MARCHF7: variants seen among roughly 807,000 people sequenced by gnomAD.
MARCHF7 encodes E3 ubiquitin-protein ligase MARCHF7.
In MARCHF7, 20 loss-of-function variants were observed where a neutral mutation model predicts 76.5. The ratio of observed to expected loss-of-function variants is 0.26; its 90% CI spans 0.18 to 0.38. The LOEUF is 0.38. MARCHF7 is among the 10% of genes least tolerant of loss of function. The probability of loss-of-function intolerance (pLI) is 1.00; values close to 1 mark genes in which losing one functional copy is unlikely to be tolerated. For synonymous variants in MARCHF7, 295 were observed against 293.0 expected (o/e 1.01, Z -0.07); for missense variants, 797 against 812.9 (o/e 0.98, Z 0.24).
intron 8 of MARCHF7, among the ~76,000 whole-genome samples, chr2:159,756,959 C>T (rs527335024): frequency 1.3e-5 from 2 of 152,292 alleles, no homozygotes; most frequent in African/African-American, 4.8e-5. Flanking sequence ...GTGGCACAAT[C>T]TCAGCTTACT....
In MARCHF7 at chr2:159,748,449, T is replaced by C; in HGVS notation, c.1159T>C (p.Ser387Pro). 1 of 1,614,166 alleles carries C rather than the reference T, an allele frequency of 6.2e-7. No homozygotes were observed. The change falls in exon 7 of 12, where the codon TCT (serine) becomes CCT (proline). Residue 387 changes from serine (S) to proline (P), a missense_variant. This residue lies in a region of MARCHF7 where 643 missense variants were observed against 631.5 expected (regional missense o/e 1.02). Transcript: ENST00000409175. Reference sequence around the variant, plus strand: ...AGGTAGAAATACAGGACCATGGTTATCTTCCTCACTTAGAAATAGATGCAC... The same window carrying C: ...AGGTAGAAATACAGGACCATGGTTACCTTCCTCACTTAGAAATAGATGCAC... The part of the protein sequence containing the change: ...SEGRNTGPWL[S>P]SSLRNRCTPL...
At chr2:159,727,021 C>G (rs148091033) in intron 3 of MARCHF7, among the ~76,000 whole-genome samples, 1 of 152,220 alleles carries the variant, frequency 6.6e-6, no homozygotes, top group East Asian at 1.9e-4. Context: ...TGTATGTACA[C>G]TATTATTTTT....
At chr2:159,737,788 CAAAATT>C (rs1485634392) in intron 4 of MARCHF7, among the ~76,000 whole-genome samples, 1 of 151,606 alleles carries the variant, frequency 6.6e-6, no homozygotes, top group African/African-American at 2.4e-5. Context: ...GACCCTGTCT[CAAAATT>C]AAAAAAAAAG....
chr2:159,723,407 T>C (rs1486440352), intron 3 of MARCHF7, among the ~76,000 whole-genome samples: 1 of 152,200 alleles, frequency 6.6e-6, no homozygotes, highest in African/African-American at 2.4e-5. Context: ...ATTAGAATTT[T>C]TCAGCACATA....
At chr2:159,763,548 G>T (rs1001933964) in intron 10 of MARCHF7, among the ~76,000 whole-genome samples, 2 of 152,170 alleles carry the variant, frequency 1.3e-5, no homozygotes, top group African/African-American at 4.8e-5. Flanking sequence ...GATGCTCTTT[G>T]TGTCAGTGTA....
rs554797936 is a variant in MARCHF7, at chr2:159,715,755, C to A, written c.-26C>A. On this transcript the variant is annotated 5_prime_UTR_variant, in exon 3 of 12. Transcript: ENST00000409175. ...CTCAAATATATTTCTCTGACTCTACCGGTTAGACTAGGTAAGTTGAACACC... is the reference window on the plus strand; with the variant it reads ...CTCAAATATATTTCTCTGACTCTACAGGTTAGACTAGGTAAGTTGAACACC... 8 of 152,222 alleles carry A rather than the reference C, an allele frequency of 5.3e-5. No homozygotes were observed. The highest frequency in any genetic ancestry group is 1.9e-4 in the African/African-American group (8 of 41,540). The allele number at this position is 152,222 out of a possible 1,614,324, so 9.4% of individuals were successfully genotyped here.
At position 159,747,998 on chromosome 2, in the gene MARCHF7, C is replaced by G; in HGVS notation, c.708C>G (p.Ser236Arg). Reference protein sequence around the residue: ...FSSRESESSRSNTQPGFSYSS... With the variant: ...FSSRESESSRRNTQPGFSYSS... Reference sequence around the variant, plus strand: ...CAAGAGAATCAGAATCTTCCCGAAGCAATACGCAGCCTGGATTTTCTTACA... The same window carrying G: ...CAAGAGAATCAGAATCTTCCCGAAGGAATACGCAGCCTGGATTTTCTTACA... Residue 236 changes from serine to arginine, a missense_variant, in exon 7 of 12, where the codon AGC (serine) becomes AGG (arginine). Ser to Arg is a moderately radical substitution (Grantham distance 110, BLOSUM62 -1). Around this residue, in one of 3 missense-constraint regions of MARCHF7, gnomAD observed 643 missense variants for 631.5 expected, o/e 1.02. Coordinates refer to ENST00000409175, the MANE Select transcript of MARCHF7 (RefSeq NM_001282805.2). 6.2e-7 allele frequency: 1 copy of G among 1,614,116 alleles called. No homozygotes were observed. The highest frequency in any genetic ancestry group is 1.1e-5 in the South Asian group (1 of 91,084).
rs13024801 is a variant in MARCHF7 at position 159,748,425 on chromosome 2, G to A, written c.1135G>A (p.Gly379Ser). 112,999 of 1,614,022 alleles carry A rather than the reference G, an allele frequency of 0.07. 4,604 individuals carry two copies. The highest frequency in any genetic ancestry group is 0.11 in the South Asian group (10,360 of 91,074). The change falls in exon 7 of 12, where the codon GGT becomes AGT. Residue 379 changes from glycine (G) to serine (S), a missense_variant. Physicochemically the swap from Gly to Ser is moderately conservative, Grantham distance 56 (BLOSUM62 0). Transcript: ENST00000409175. ...AGAAAATTTTAACCAAGAATCTGAA[G>A]GTAGAAATACAGGACCATGGTTATC... ...DSENFNQESE[G>S]RNTGPWLSSS...
At chr2:159,725,209 G>T (rs1404987420) in intron 3 of MARCHF7, among the ~76,000 whole-genome samples, 1 of 152,182 alleles carries the variant, frequency 6.6e-6, no homozygotes, top group African/African-American at 2.4e-5. Flanking sequence ...GTAATGGGAT[G>T]GCTGGGTCAA....
At chr2:159,765,957 ATTTG>A (rs1707716135) in intron 11 of MARCHF7, among the ~76,000 whole-genome samples, 1 of 152,054 alleles carries the variant, frequency 6.6e-6, no homozygotes, top group African/African-American at 2.4e-5. Flanking sequence ...CATGATAGTA[ATTTG>A]TTTCAGTGTA....
chr2:159,748,270 G>A lies in MARCHF7; in HGVS notation c.980G>A (p.Arg327His), dbSNP rs142330597. The A allele has an allele frequency of 1.5e-3, 2,419 of 1,613,610 alleles. 1 individual carries two copies. The highest frequency in any genetic ancestry group is 1.9e-3 in the Non-Finnish European group (2,225 of 1,179,996). The change falls in exon 7 of 12, where the codon CGT becomes CAT. Residue 327 changes from arginine (R) to histidine (H), a missense_variant. Coordinates refer to ENST00000409175, the MANE Select transcript of MARCHF7 (RefSeq NM_001282805.2). ...SPRILTASQS[R>H]SNVPSASEVP... ...AGAATCTTGACAGCTTCACAGTCCC[G>A]TAGTAATGTACCATCAGCTTCTGAA...
intron 9 of MARCHF7, among the ~76,000 whole-genome samples, chr2:159,761,836 T>TA (rs961016330): frequency 6.6e-6 from 1 of 152,196 alleles, no homozygotes; most frequent in African/African-American, 2.4e-5. Context: ...TAGTTCACTG[T>TA]AAAAATTACA....
intron 9 of MARCHF7, among the ~76,000 whole-genome samples, chr2:159,761,871 C>T (rs910646193): frequency 6.6e-6 from 1 of 151,984 alleles, no homozygotes; most frequent in African/African-American, 2.4e-5. Context: ...ATTAATAATA[C>T]TATATTTATG....
chr2:159,747,523 C>T (rs1368010455), intron 6 of MARCHF7, among the ~76,000 whole-genome samples: 5 of 151,920 alleles, frequency 3.3e-5, no homozygotes, highest in Admixed American at 2.6e-4. Context: ...TCAATAAATT[C>T]AGCTGTTTTA....
chr2:159,749,349 T>TTTG (rs1553783667), intron 7 of MARCHF7, among the ~76,000 whole-genome samples: 28 of 151,488 alleles, frequency 1.8e-4, no homozygotes, highest in African/African-American at 2.9e-4. Flanking sequence ...TTTGTTTTTT[T>TTTG]TTGTTGTTGT....
chr2:159,750,344 C>CAG (rs1705479860), intron 7 of MARCHF7, among the ~76,000 whole-genome samples: 1 of 152,146 alleles, frequency 6.6e-6, no homozygotes, highest in Non-Finnish European at 1.5e-5. Flanking sequence ...GGCTAACATG[C>CAG]TGAAACCCTG....
intron 6 of MARCHF7, among the ~76,000 whole-genome samples, chr2:159,746,869 G>A (rs1455524054): frequency 6.6e-6 from 1 of 152,118 alleles, no homozygotes; most frequent in Non-Finnish European, 1.5e-5. Flanking sequence ...ATCTTACTGG[G>A]GGAAATCTTT....
intron 3 of MARCHF7, among the ~76,000 whole-genome samples, chr2:159,723,414 C>T (rs1423152397): frequency 6.6e-6 from 1 of 152,202 alleles, no homozygotes; most frequent in Non-Finnish European, 1.5e-5. Context: ...TTTTTCAGCA[C>T]ATAAACTGGG....
chr2:159,759,084 G>A (rs1291572408), intron 8 of MARCHF7, 142 bp from the exon 9 acceptor site: 1 of 566,852 alleles, frequency 1.8e-6, no homozygotes, highest in Non-Finnish European at 3.1e-6. Flanking sequence ...GACATTACTG[G>A]TTTACTGCAG....
Sources: allele counts gnomAD v4.1 joint callset (sites outside exome capture counted in the v4.1 genomes callset), GRCh38; gene constraint gnomAD v4.1.1; regional missense constraint gnomAD v4.1.1; transcripts MANE v1.5; gene names NCBI Gene and HGNC (gene_info 2026-07-23, HGNC 2026-07-21).